The following B3GNT7 variants were observed in gnomAD, a reference collection of about 807,000 sequenced individuals.
B3GNT7 encodes the protein UDP-GlcNAc:betaGal beta-1,3-N-acetylglucosaminyltransferase 7, also known as BGnT-7.
B3GNT7 carries 9 observed loss-of-function variants against 5.1 expected under a neutral mutation model. The observed-to-expected ratio is 1.77, with a 90% CI of 1.07 to 3.09. B3GNT7 has a LOEUF of 3.09. B3GNT7 is among the 30% of genes most tolerant of loss of function. The pLI is 0.00. For synonymous variants in B3GNT7, 253 were observed against 248.6 expected (o/e 1.02, Z -0.17); for missense variants, 468 against 550.8 (o/e 0.85, Z 1.50).
rs570729964 is a variant in B3GNT7 at position 231,398,825 on chromosome 2, C to G, written c.1106C>G (p.Ala369Gly). 2.1e-4 allele frequency: 331 copies of G among 1,603,384 alleles called. 5 individuals carry two copies. The South Asian group carries it at 3.5e-3, about 17-fold the overall frequency. ...AACAAGGAGCCGTGCTTTTTCCGCGCCATGCTCGTGGTGCACAAGCTGCTG... is the reference window on the plus strand; with the variant it reads ...AACAAGGAGCCGTGCTTTTTCCGCGGCATGCTCGTGGTGCACAAGCTGCTG... ...RMNKEPCFFR[A>G]MLVVHKLLPP... Residue 369 changes from alanine to glycine, a missense_variant, in exon 2 of 2, where the codon GCC becomes GGC. By Grantham distance (60) the Ala-to-Gly change is moderately conservative. Transcript: ENST00000287590.
At position 231,400,701 on chromosome 2, in the gene B3GNT7, A is replaced by G. The variant is rs1009348419; in HGVS notation, c.*1776A>G. The G allele has an allele frequency of 3.9e-5, 6 of 152,466 alleles. No individual in the cohort carries two copies. Among genetic ancestry groups the G allele is most frequent in the African/African-American group, 1.2e-4 (5 of 41,476 alleles). The allele number at this position is 152,466 out of a possible 1,614,324, so 9.4% of individuals were successfully genotyped here. A position where few individuals can be genotyped will look rare whatever the true frequency, so the allele number is the denominator to read the frequency against. ...AGATGCCCAGGAAGGAAAAGGGGACAGCGCTACTGCTATGGAATGAGACCA... is the reference window on the plus strand; with the variant it reads ...AGATGCCCAGGAAGGAAAAGGGGACGGCGCTACTGCTATGGAATGAGACCA... On this transcript the variant is annotated 3_prime_UTR_variant, in exon 2 of 2. Transcript: ENST00000287590.
At position 231,401,003 on chromosome 2, in the gene B3GNT7, C is replaced by T. The variant is rs1252668644; in HGVS notation, c.*2078C>T. 1 of 152,216 alleles carries T rather than the reference C, an allele frequency of 6.6e-6. No individual in the cohort carries two copies. Among genetic ancestry groups the T allele is most frequent in the Non-Finnish European group, 1.5e-5 (1 of 68,040 alleles). 9.4% of individuals were successfully genotyped at this position (152,216 alleles called of 1,614,324 possible). On this transcript the variant is annotated 3_prime_UTR_variant, in exon 2 of 2. Coordinates refer to ENST00000287590, the MANE Select transcript of B3GNT7 (RefSeq NM_145236.3). ...TTAGCTGATGTGTGTAGCCCCCAGTCACGTTCCTCACGCTTACTTGATCTA... is the reference window on the plus strand; with the variant it reads ...TTAGCTGATGTGTGTAGCCCCCAGTTACGTTCCTCACGCTTACTTGATCTA...
rs1012206934 is a variant in B3GNT7 at position 231,397,633 on chromosome 2, T to C, written c.12-98T>C. On this transcript the variant is annotated intron_variant, in intron 1 of 1. Coordinates refer to ENST00000287590, the MANE Select transcript of B3GNT7 (RefSeq NM_145236.3). The stretch of plus-strand genomic sequence containing the variant: ...GGACTGAGCCTGTGCCCAGGTCCAC[T>C]TGCCCGTCTGGGACCACCCAGCCTC... The C allele has an allele frequency of 1.1e-5, 13 of 1,174,690 alleles. No homozygotes were observed. The Middle Eastern group carries it at 6.0e-4, about 54-fold the overall frequency. 72.8% of individuals were successfully genotyped at this position (1,174,690 alleles called of 1,614,324 possible).
rs78715499 is a variant in B3GNT7, at chr2:231,399,491, C to T, written c.*566C>T. On this transcript the variant is annotated 3_prime_UTR_variant, in exon 2 of 2. Transcript: ENST00000287590. ...CCGCAGCCCCAGGCCTGCCTGGAGACGGGCCGCCTCTGCCACAGGGCCTCC... is the reference window on the plus strand; with the variant it reads ...CCGCAGCCCCAGGCCTGCCTGGAGATGGGCCGCCTCTGCCACAGGGCCTCC... 1,613 of 154,508 alleles carry T rather than the reference C, an allele frequency of 0.01. 28 individuals are homozygous for T. The highest frequency in any genetic ancestry group is 0.036 in the African/African-American group (1,510 of 41,566). The allele number at this position is 154,508 out of a possible 1,614,324, so 9.6% of individuals were successfully genotyped here. A position where few individuals can be genotyped will look rare whatever the true frequency, so the allele number is the denominator to read the frequency against.
Position 231,398,275 on chromosome 2 carries a change from C to A in B3GNT7, c.556C>A (p.Arg186Ser), listed in dbSNP as rs768768447. ...GGGCACGGCCTCCAAGCAGGAGGAGCGCACGCACTACCAGCAGCTGCTGGC... is the reference window on the plus strand; with the variant it reads ...GGGCACGGCCTCCAAGCAGGAGGAGAGCACGCACTACCAGCAGCTGCTGGC... Reference protein sequence around the residue: ...LLGTASKQEERTHYQQLLAYE... With the variant: ...LLGTASKQEESTHYQQLLAYE... The change falls in exon 2 of 2, where the codon CGC becomes AGC. Residue 186 changes from arginine (R) to serine (S), a missense_variant. Arg to Ser is a moderately radical substitution (Grantham distance 110). Transcript: ENST00000287590. The A allele has an allele frequency of 2.2e-5, 36 of 1,612,750 alleles. No homozygotes were observed. Among genetic ancestry groups the A allele is most frequent in the Non-Finnish European group, 2.8e-5 (33 of 1,179,828 alleles).
At position 231,398,857 on chromosome 2, in the gene B3GNT7, G is replaced by A; in HGVS notation, c.1138G>A (p.Glu380Lys). 1.3e-6 allele frequency: 2 copies of A among 1,599,894 alleles called. No individual in the cohort carries two copies. Among genetic ancestry groups the A allele is most frequent in the Non-Finnish European group, 1.7e-6 (2 of 1,179,442 alleles). ...CGTGGTGCACAAGCTGCTGCCCCCT[G>A]AGCTGCTCGCCATGTGGGGGCTGGT... ...MLVVHKLLPP[E>K]LLAMWGLVHS... is the part of the protein sequence containing the mutation. The change falls in exon 2 of 2, where the codon GAG becomes AAG. Residue 380 changes from glutamate to lysine, a missense_variant. Glu to Lys is a moderately conservative substitution (Grantham distance 56). Coordinates refer to ENST00000287590, the MANE Select transcript of B3GNT7 (RefSeq NM_145236.3).
intron 1 of B3GNT7, chr2:231,397,409 A>G: frequency 2.6e-6 from 1 of 382,184 alleles, no homozygotes; most frequent in Non-Finnish European, 4.1e-6. Context: ...GGTACTTTAT[A>G]TAGCACTCCA....
rs1323051285 is a variant in B3GNT7 at position 231,398,052 on chromosome 2, T to G, written c.333T>G (p.Phe111Leu). ...TCCTGGAGCCGCAGTTCCGGCAGTT[T>G]CTCTTCTACCGCCACTGCCGCTACT... ...FQVLEPQFRQ[F>L]LFYRHCRYFP... The change falls in exon 2 of 2, where the codon TTT becomes TTG. Residue 111 changes from phenylalanine to leucine, a missense_variant. Physicochemically the swap from Phe to Leu is conservative, Grantham distance 22. Coordinates refer to ENST00000287590, the MANE Select transcript of B3GNT7 (RefSeq NM_145236.3). 1 of 1,610,420 alleles carries G rather than the reference T, an allele frequency of 6.2e-7. No individual in the cohort carries two copies. The highest frequency in any genetic ancestry group is 2.2e-5 in the East Asian group (1 of 44,884).
chr2:231,396,002 C>T (rs2046510267), intron 1 of B3GNT7, among the ~76,000 whole-genome samples, 188 bp downstream of exon 1: 1 of 151,796 alleles, frequency 6.6e-6, no homozygotes, highest in South Asian at 2.1e-4. Flanking sequence ...GAGATGTTCG[C>T]GGTACGCGGC....
chr2:231,398,109 CA>C lies in B3GNT7; in HGVS notation c.391del (p.Arg131GlyfsTer85). The C allele has an allele frequency of 1.1e-5, 18 of 1,610,974 alleles. No individual in the cohort carries two copies. The highest frequency in any genetic ancestry group is 1.5e-5 in the Non-Finnish European group (18 of 1,178,846). On this transcript the variant is annotated frameshift_variant, in exon 2 of 2. Transcript: ENST00000287590. LOFTEE classifies it low-confidence loss of function (END_TRUNC). ...PMLLNHPEKC[R>X]GDVYLLVVVK... ...TGCTGCTGAACCACCCGGAGAAGTG[CA>C]GGGGCGATGTCTACCTGCTGGTGGT...
chr2:231,398,607 G>T lies in B3GNT7; in HGVS notation c.888G>T (p.Pro296=). ...TGTACGGCAAGGCCAGCTATCCGCC[G>T]TATGCAGGCGGCGGTGGCTTCCTCA... ...GALYGKASYP[P]YAGGGGFLMA... The change falls in exon 2 of 2, where the codon CCG becomes CCT. Residue 296 remains proline (P), a synonymous_variant. Transcript: ENST00000287590. 6.2e-7 allele frequency: 1 copy of T among 1,612,514 alleles called. No individual in the cohort carries two copies. The highest frequency in any genetic ancestry group is 8.5e-7 in the Non-Finnish European group (1 of 1,179,550).
chr2:231,399,532 C>T lies in B3GNT7; in HGVS notation c.*607C>T, dbSNP rs2046546071. On this transcript the variant is annotated 3_prime_UTR_variant, in exon 2 of 2. Transcript: ENST00000287590. The stretch of plus-strand genomic sequence containing the variant: ...CAGGGCCTCCACTCCTGGCTGTGTC[C>T]TGTAAGGTCTGGAAGGGCGACCGCT... 1 of 154,044 alleles carries T rather than the reference C, an allele frequency of 6.5e-6. No homozygotes were observed. Among genetic ancestry groups the T allele is most frequent in the Admixed American group, 6.4e-5 (1 of 15,542 alleles). 9.5% of individuals were successfully genotyped at this position (154,044 alleles called of 1,614,324 possible). A position where few individuals can be genotyped will look rare whatever the true frequency, so the allele number is the denominator to read the frequency against.
chr2:231,397,622 C>A, intron 1 of B3GNT7, 109 bp from the exon 2 acceptor site: 1 of 1,038,016 alleles, frequency 9.6e-7, no homozygotes, highest in Non-Finnish European at 1.4e-6. Flanking sequence ...TGAGCCTGTG[C>A]CCAGGTCCAC....
In B3GNT7 at chr2:231,399,293, C is replaced by T. The variant is rs1312883015; in HGVS notation, c.*368C>T. 3 of 251,212 alleles carry T rather than the reference C, an allele frequency of 1.2e-5. No homozygotes were observed. Among genetic ancestry groups the T allele is most frequent in the Non-Finnish European group, 2.3e-5 (3 of 130,688 alleles). 15.6% of individuals were successfully genotyped at this position (251,212 alleles called of 1,614,324 possible). On this transcript the variant is annotated 3_prime_UTR_variant, in exon 2 of 2. Transcript: ENST00000287590. Reference sequence around the variant, plus strand: ...GCTCAGGTACCTGGGCTAGGCCTGGCCTGATGGGTCTGTGGCCGCCCCTCG... The same window carrying T: ...GCTCAGGTACCTGGGCTAGGCCTGGTCTGATGGGTCTGTGGCCGCCCCTCG...
rs1034407418 is a variant in B3GNT7, at chr2:231,400,875, G to A, written c.*1950G>A. The A allele has an allele frequency of 6.6e-6, 1 of 152,194 alleles. No individual in the cohort carries two copies. The highest frequency in any genetic ancestry group is 6.5e-5 in the Admixed American group (1 of 15,278). The allele number at this position is 152,194 out of a possible 1,614,324, so 9.4% of individuals were successfully genotyped here. A position where few individuals can be genotyped will look rare whatever the true frequency, so the allele number is the denominator to read the frequency against. ...GACCTTGGCGCCACCACCTGGCCCT[G>A]GTGGTTAAAATGATAATAATATTAA... On this transcript the variant is annotated 3_prime_UTR_variant, in exon 2 of 2. Transcript: ENST00000287590.
In B3GNT7 at chr2:231,400,924, T is replaced by C. The variant is rs921223468; in HGVS notation, c.*1999T>C. ...AACCCCTGACCAAAACGACTGGTGT[T>C]ATCTGTAAATCCCAGACATTGTGTG... On this transcript the variant is annotated 3_prime_UTR_variant, in exon 2 of 2. Coordinates refer to ENST00000287590, the MANE Select transcript of B3GNT7 (RefSeq NM_145236.3). 21 of 152,250 alleles carry C rather than the reference T, an allele frequency of 1.4e-4. No homozygotes were observed. Among genetic ancestry groups the C allele is most frequent in the African/African-American group, 3.4e-4 (14 of 41,464 alleles). The allele number at this position is 152,250 out of a possible 1,614,324, so 9.4% of individuals were successfully genotyped here.
chr2:231,397,399 G>T (rs2046524197), intron 1 of B3GNT7: 1 of 393,630 alleles, frequency 2.5e-6, no homozygotes, highest in South Asian at 9.8e-5. Flanking sequence ...CCCGCTGCCT[G>T]GTACTTTATA....
rs1277525698 is a variant in B3GNT7, at chr2:231,399,214, G to A, written c.*289G>A. 3 of 457,978 alleles carry A rather than the reference G, an allele frequency of 6.6e-6. No individual in the cohort carries two copies. Among genetic ancestry groups the A allele is most frequent in the East Asian group, 3.9e-5 (1 of 25,880 alleles). The allele number at this position is 457,978 out of a possible 1,614,324, so 28.4% of individuals were successfully genotyped here. On this transcript the variant is annotated 3_prime_UTR_variant, in exon 2 of 2. Transcript: ENST00000287590. Reference sequence around the variant, plus strand: ...GCAGCCCTCCTGACCTGGGTCCGTTGCTGGCCCCCTCAGATGTGGTGGGAG... The same window carrying A: ...GCAGCCCTCCTGACCTGGGTCCGTTACTGGCCCCCTCAGATGTGGTGGGAG...
rs546941889 is a variant in B3GNT7, at chr2:231,399,366, G to A, written c.*441G>A. 134 of 164,388 alleles carry A rather than the reference G, an allele frequency of 8.2e-4. No homozygotes were observed. The highest frequency in any genetic ancestry group is 8.5e-4 in the Non-Finnish European group (64 of 75,606). 10.2% of individuals were successfully genotyped at this position (164,388 alleles called of 1,614,324 possible). A position where few individuals can be genotyped will look rare whatever the true frequency, so the allele number is the denominator to read the frequency against. On this transcript the variant is annotated 3_prime_UTR_variant, in exon 2 of 2. Coordinates refer to ENST00000287590, the MANE Select transcript of B3GNT7 (RefSeq NM_145236.3). ...GTGAAATGCCTCAGTCTCCCCAGAG[G>A]CCGGGCGGCCCTGGCAGGAGAAACT... is the stretch of plus-strand genomic sequence containing the variant.
Sources: allele counts gnomAD v4.1 joint callset (sites outside exome capture counted in the v4.1 genomes callset), GRCh38; gene constraint gnomAD v4.1.1; transcripts MANE v1.5; gene names NCBI Gene and HGNC (gene_info 2026-07-23, HGNC 2026-07-21).